Variants in DENND5B observed in about 807,000 individuals in gnomAD.
DENND5B encodes DENN domain-containing protein 5B.
In DENND5B, 34 loss-of-function variants were observed where a neutral mutation model predicts 140.6. The observed-to-expected ratio is 0.24, with a 90% CI of 0.18 to 0.32. DENND5B has a LOEUF of 0.32. Ranked by LOEUF, DENND5B falls within the 10% of genes least tolerant of loss-of-function variation. The pLI is 1.00. For synonymous variants in DENND5B, 551 were observed against 562.1 expected (o/e 0.98, Z 0.28); for missense variants, 1,142 against 1,560.2 (o/e 0.73, Z 4.52).
intron 3 of DENND5B, among the ~76,000 whole-genome samples, chr12:31,463,790 T>C (rs1339931806): frequency 6.6e-6 from 1 of 152,148 alleles, no homozygotes; most frequent in Non-Finnish European, 1.5e-5. Flanking sequence ...CTCAGCCTCC[T>C]GAGTAGCTGG....
rs916811972 is a variant in DENND5B at position 31,382,578 on chromosome 12, T to C, written c.*5025A>G. The C allele has an allele frequency of 6.6e-6, 1 of 152,208 alleles. No individual in the cohort carries two copies. The highest frequency in any genetic ancestry group is 2.4e-5 in the African/African-American group (1 of 41,460). 9.4% of individuals were successfully genotyped at this position (152,208 alleles called of 1,614,324 possible). ...AACTCCTTACTATACTTCTCTACTG[T>C]TGACAAGATTTGGTGTTTAGAATCA... On this transcript the variant is annotated 3_prime_UTR_variant, in exon 21 of 21. Transcript: ENST00000389082.
intron 4 of DENND5B, among the ~76,000 whole-genome samples, chr12:31,455,606 A>G (rs991871615): frequency 5.3e-5 from 8 of 152,242 alleles, no homozygotes; most frequent in African/African-American, 9.6e-5. Context: ...GAAGAGCTCA[A>G]TAAGTATTAC....
At chr12:31,389,025 C>G (rs992655535) in intron 20 of DENND5B, among the ~76,000 whole-genome samples, 1 of 152,120 alleles carries the variant, frequency 6.6e-6, no homozygotes, top group Admixed American at 6.5e-5. Context: ...TGCTAACTTA[C>G]GTGTGCCTCA....
intron 3 of DENND5B, among the ~76,000 whole-genome samples, chr12:31,466,566 G>A (rs370284120): frequency 4.0e-5 from 6 of 151,228 alleles, no homozygotes; most frequent in East Asian, 2.0e-4. Flanking sequence ...GGTGGCATGC[G>A]CCTGTAGTCC....
intron 1 of DENND5B, among the ~76,000 whole-genome samples, chr12:31,546,945 C>A (rs1321570150): frequency 1.3e-5 from 2 of 152,216 alleles, no homozygotes; most frequent in Non-Finnish European, 2.9e-5. Context: ...TTAATTGGCA[C>A]AGACATATCT....
intron 2 of DENND5B, 23 bp downstream of exon 2, chr12:31,495,787 A>T: frequency 1.3e-6 from 2 of 1,517,680 alleles, no homozygotes; most frequent in Non-Finnish European, 1.8e-6. Flanking sequence ...TAAAGAGTAA[A>T]TGAGGGGAAA....
At chr12:31,511,921 C>CTTT (rs761566462) in intron 1 of DENND5B, among the ~76,000 whole-genome samples, 28,751 of 98,972 alleles carry the variant, frequency 0.29, 5,717 homozygotes, top group East Asian at 0.54. Context: ...CTCCACTGCC[C>CTTT]TTTTTTTTTT....
At chr12:31,513,352 G>A (rs1947500425) in intron 1 of DENND5B, among the ~76,000 whole-genome samples, 2 of 152,110 alleles carry the variant, frequency 1.3e-5, no homozygotes, top group Non-Finnish European at 2.9e-5. Context: ...ATCTTCAGAT[G>A]GAAATCACTC....
intron 4 of DENND5B, among the ~76,000 whole-genome samples, chr12:31,455,753 G>A (rs1944743670): frequency 6.6e-6 from 1 of 152,202 alleles, no homozygotes. Flanking sequence ...TGGGCATGGT[G>A]GCTCATGCCT....
At chr12:31,551,816 C>G (rs962074841) in intron 1 of DENND5B, among the ~76,000 whole-genome samples, 7 of 152,310 alleles carry the variant, frequency 4.6e-5, no homozygotes, top group Non-Finnish European at 1.0e-4. Context: ...ATTTTATTCT[C>G]TTTGAAGCAA....
intron 3 of DENND5B, among the ~76,000 whole-genome samples, chr12:31,464,701 C>G (rs1323879857): frequency 2.0e-5 from 3 of 152,098 alleles, no homozygotes; most frequent in Admixed American, 2.0e-4. Flanking sequence ...GCTTGGATTA[C>G]AGCTGTGCAC....
chr12:31,472,492 A>G (rs908634725), intron 3 of DENND5B, among the ~76,000 whole-genome samples: 4 of 152,096 alleles, frequency 2.6e-5, no homozygotes, highest in African/African-American at 4.8e-5. Flanking sequence ...GGGTTTCCCT[A>G]TGTTGGCCAG....
intron 3 of DENND5B, among the ~76,000 whole-genome samples, chr12:31,477,038 C>T (rs1945846919): frequency 6.6e-6 from 1 of 151,924 alleles, no homozygotes; most frequent in Non-Finnish European, 1.5e-5. Flanking sequence ...ACCAGCCTGA[C>T]CAACATGGTG....
intron 1 of DENND5B, chr12:31,590,323 G>A (rs1950571910): frequency 6.4e-6 from 1 of 156,302 alleles, no homozygotes; most frequent in Admixed American, 6.5e-5. Context: ...CCGGGGCCGG[G>A]TGGCTGGCGG....
chr12:31,439,583 G>C (rs998564848), intron 7 of DENND5B, among the ~76,000 whole-genome samples: 2 of 151,704 alleles, frequency 1.3e-5, no homozygotes, highest in African/African-American at 4.8e-5. Flanking sequence ...CATATAGTAA[G>C]AGTTCCATAA....
intron 7 of DENND5B, among the ~76,000 whole-genome samples, chr12:31,439,638 GA>G (rs34791156): frequency 6.6e-6 from 1 of 151,382 alleles, no homozygotes. Context: ...CCATCAAAAG[GA>G]AAAAAAAGCA....
In DENND5B at chr12:31,495,885, T is replaced by C. The variant is rs763211875; in HGVS notation, c.162A>G (p.Thr54=). ...AGTGGGCGAGAACTTTGGATTTGAA[T>C]GTTCTTCTCAAAGGACTCTGGTCAA... ...ENFDQSPLRR[T]FKSKVLAHYP... is the part of the protein sequence containing the mutation. Residue 54 remains threonine (T), a synonymous_variant, in exon 2 of 21, where the codon ACA becomes ACG. Coordinates refer to ENST00000389082, the MANE Select transcript of DENND5B (RefSeq NM_144973.4). 6.8e-6 allele frequency: 11 copies of C among 1,612,872 alleles called. No individual in the cohort carries two copies. The highest frequency in any genetic ancestry group is 9.3e-6 in the Non-Finnish European group (11 of 1,179,476).
At position 31,482,696 on chromosome 12, in the gene DENND5B, A is replaced by G. The variant is rs1447349547; in HGVS notation, c.238-2441T>C. On this transcript the variant is annotated intron_variant, in intron 2 of 20. Transcript: ENST00000389082. ...TGGGTAAAAGCAATCCTCCCGCCTC[A>G]GCCTCCTGAGTCAGAAAGTAATTGT... Among the ~76,000 whole-genome samples the G allele has an allele frequency of 2.6e-5, 4 of 152,100 alleles. No homozygotes were observed. In the East Asian group the frequency reaches 7.7e-4, roughly 29 times the overall value.
At chr12:31,427,543 T>C (rs1943301798) in intron 8 of DENND5B, among the ~76,000 whole-genome samples, 1 of 151,278 alleles carries the variant, frequency 6.6e-6, no homozygotes, top group Non-Finnish European at 1.5e-5. Context: ...GAGGCGGAGA[T>C]TGCAGTGAGT....
Sources: gnomAD v4.1 joint callset for allele counts (sites outside exome capture counted in the v4.1 genomes callset) on GRCh38, gnomAD v4.1.1 for gene constraint, MANE v1.5 for transcripts, NCBI Gene and HGNC (gene_info 2026-07-23, HGNC 2026-07-21) for gene names.